AFF3: variants seen among roughly 807,000 people sequenced by gnomAD.
The protein encoded by AFF3 is ALF transcription elongation factor 3.
Under a neutral mutation model 129.7 loss-of-function variants are expected in AFF3, and 32 were observed. The observed-to-expected ratio is 0.25, with a 90% CI of 0.19 to 0.33. AFF3 has a LOEUF of 0.33. Among genes scored for constraint, AFF3 ranks in the 10% least tolerant of loss-of-function variants. AFF3 has a pLI of 1.00. For synonymous variants in AFF3, 644 were observed against 635.4 expected (o/e 1.01, Z -0.20); for missense variants, 1,373 against 1,592.0 (o/e 0.86, Z 2.34).
intron 13 of AFF3, among the ~76,000 whole-genome samples, chr2:99,619,789 T>C (rs1681812959): frequency 6.6e-6 from 1 of 152,190 alleles, no homozygotes; most frequent in Admixed American, 6.5e-5. Context: ...GAGAAAGGGA[T>C]ATTACTGCCC....
chr2:99,740,262 G>A (rs12475329), intron 10 of AFF3, among the ~76,000 whole-genome samples: 20,139 of 146,472 alleles, frequency 0.14, 1,474 homozygotes, highest in East Asian at 0.21. Flanking sequence ...GAATAGTGCC[G>A]CAATAAACAT....
chr2:99,901,951 G>A (rs981323164), intron 7 of AFF3, among the ~76,000 whole-genome samples: 4 of 151,154 alleles, frequency 2.6e-5, no homozygotes, highest in African/African-American at 7.3e-5. Context: ...CCACGTTCCG[G>A]CCTCTTTCCA....
At chr2:99,701,122 G>A (rs981667156) in intron 11 of AFF3, among the ~76,000 whole-genome samples, 2 of 152,176 alleles carry the variant, frequency 1.3e-5, no homozygotes, top group African/African-American at 2.4e-5. Flanking sequence ...TGGCACACTG[G>A]GTTAGATGGC....
At chr2:99,623,313 C>T (rs895914899) in intron 13 of AFF3, among the ~76,000 whole-genome samples, 3 of 152,152 alleles carry the variant, frequency 2.0e-5, no homozygotes, top group African/African-American at 7.2e-5. Flanking sequence ...AAAGTGCCAT[C>T]CTAGGCGCTC....
In AFF3 at chr2:99,802,396, G is replaced by C. The variant is rs181991781; in HGVS notation, c.921+35081C>G. ...ATTAAAAGTTTTCTTGGCTGGGCGCGGTGCCTGTAATCCCAGCACTTTGGG... is the reference window on the plus strand; with the variant it reads ...ATTAAAAGTTTTCTTGGCTGGGCGCCGTGCCTGTAATCCCAGCACTTTGGG... On this transcript the variant is annotated intron_variant, in intron 8 of 24. Transcript: ENST00000672756. Among the ~76,000 whole-genome samples, 24 of 152,188 alleles carry C rather than the reference G, an allele frequency of 1.6e-4. No homozygotes were observed. The East Asian group carries it at 1.9e-3, about 12-fold the overall frequency.
In AFF3 at chr2:100,064,243, G is replaced by A. The variant is rs548022781; in HGVS notation, c.53+40159C>T. ...CAAAGCCAGCATATGACCAGACCCAGTGAGAAATCCCTTCTATTTCTTACT... is the reference window on the plus strand; with the variant it reads ...CAAAGCCAGCATATGACCAGACCCAATGAGAAATCCCTTCTATTTCTTACT... On this transcript the variant is annotated intron_variant, in intron 4 of 24. Coordinates refer to ENST00000672756, the MANE Select transcript of AFF3 (RefSeq NM_001386135.1). 1.5e-4 allele frequency among the ~76,000 whole-genome samples: 23 copies of A among 152,292 alleles called. No homozygotes were observed. The South Asian group carries it at 4.8e-3, about 32-fold the overall frequency.
intron 8 of AFF3, among the ~76,000 whole-genome samples, chr2:99,786,305 T>C (rs887483224): frequency 1.3e-5 from 2 of 152,182 alleles, no homozygotes. Context: ...GAGGCCAATG[T>C]GAGGCTCCAT....
intron 8 of AFF3, among the ~76,000 whole-genome samples, chr2:99,785,012 T>C (rs1040288721): frequency 1.3e-5 from 2 of 152,220 alleles, no homozygotes; most frequent in African/African-American, 2.4e-5. Context: ...AACCATTGCA[T>C]GTTGCTGAGT....
At chr2:99,643,458 T>C (rs1446947075) in intron 13 of AFF3, among the ~76,000 whole-genome samples, 1 of 152,148 alleles carries the variant, frequency 6.6e-6, no homozygotes, top group Non-Finnish European at 1.5e-5. Flanking sequence ...CACGCCACCA[T>C]AACATCTTCA....
chr2:99,568,919 C>G lies in AFF3; in HGVS notation c.2919-4G>C. The stretch of plus-strand genomic sequence containing the variant: ...AAAATAATCGGCACTGCGAGGCCTA[C>G]AAGGAGAGAATGATATTAAACGTCA... On this transcript the variant is annotated splice_region_variant and splice_polypyrimidine_tract_variant and intron_variant, in intron 18 of 24. Coordinates refer to ENST00000672756, the MANE Select transcript of AFF3 (RefSeq NM_001386135.1). 1 of 1,613,828 alleles carries G rather than the reference C, an allele frequency of 6.2e-7. No homozygotes were observed. The highest frequency in any genetic ancestry group is 8.5e-7 in the Non-Finnish European group (1 of 1,179,746).
rs377294661 is a variant in AFF3, at chr2:99,555,834, C to CT, written c.3286-1103dup. ...TGGCAAGAAATGGCCTGTCAGAACT[C>CT]TGAGGTGCTACAATGGCAAGATGTA... On this transcript the variant is annotated intron_variant, in intron 22 of 24. Coordinates refer to ENST00000672756, the MANE Select transcript of AFF3 (RefSeq NM_001386135.1). Among the ~76,000 whole-genome samples, 401 of 152,314 alleles carry CT rather than the reference C, an allele frequency of 2.6e-3. 1 individual carries two copies. The highest frequency in any genetic ancestry group is 8.7e-3 in the African/African-American group (361 of 41,560).
At chr2:99,641,415 C>T (rs975362787) in intron 13 of AFF3, among the ~76,000 whole-genome samples, 6 of 152,116 alleles carry the variant, frequency 3.9e-5, no homozygotes, top group African/African-American at 1.2e-4. Context: ...TGGTGGCTCA[C>T]GCCTGTAATT....
chr2:99,558,982 G>C lies in AFF3; in HGVS notation c.3192-14C>G, dbSNP rs1182464616. 1 of 1,614,022 alleles carries C rather than the reference G, an allele frequency of 6.2e-7. No individual in the cohort carries two copies. The highest frequency in any genetic ancestry group is 8.5e-7 in the Non-Finnish European group (1 of 1,179,870). On this transcript the variant is annotated splice_polypyrimidine_tract_variant and intron_variant, in intron 21 of 24. Transcript: ENST00000672756. ...AGGCATCGGTAACTGCAGGCGAAAA[G>C]AGAAACAGGCCCAGAAGCGGCTGAG...
intron 7 of AFF3, among the ~76,000 whole-genome samples, chr2:99,889,700 C>T (rs1181603978): frequency 6.6e-6 from 1 of 152,200 alleles, no homozygotes; most frequent in Non-Finnish European, 1.5e-5. Context: ...ACTCTGTTGC[C>T]CAGGCTGGAG....
At chr2:100,104,919 G>A in intron 3 of AFF3, 1 of 171,144 alleles carries the variant, frequency 5.8e-6, no homozygotes, top group Non-Finnish European at 1.1e-5. Flanking sequence ...GCCCCGCGCC[G>A]CGCCCGCCCC....
intron 7 of AFF3, among the ~76,000 whole-genome samples, chr2:99,928,129 T>C (rs1279705931): frequency 6.6e-6 from 1 of 152,194 alleles, no homozygotes; most frequent in Non-Finnish European, 1.5e-5. Flanking sequence ...ATTAAACCTC[T>C]TTCGTTTGTA....
Position 99,693,174 on chromosome 2 carries a change from A to G in AFF3, c.1092-20585T>C, listed in dbSNP as rs1199825804. Reference sequence around the variant, plus strand: ...CAGAAAAAAGAACTGGCTGATGAATAAGGAGAAGTGGGATTTTAAAAAGTT... The same window carrying G: ...CAGAAAAAAGAACTGGCTGATGAATGAGGAGAAGTGGGATTTTAAAAAGTT... On this transcript the variant is annotated intron_variant, in intron 11 of 24. Coordinates refer to ENST00000672756, the MANE Select transcript of AFF3 (RefSeq NM_001386135.1). Among the ~76,000 whole-genome samples the G allele has an allele frequency of 2.0e-5, 3 of 152,260 alleles. No individual in the cohort carries two copies. The East Asian group carries it at 5.8e-4, about 29-fold the overall frequency.
chr2:99,626,954 T>C (rs1241142259), intron 13 of AFF3, among the ~76,000 whole-genome samples: 6 of 152,236 alleles, frequency 3.9e-5, no homozygotes, highest in African/African-American at 1.2e-4. Context: ...ATGGTGTGTA[T>C]GTACCATATT....
At chr2:99,921,167 G>A (rs555133885) in intron 7 of AFF3, among the ~76,000 whole-genome samples, 1 of 152,148 alleles carries the variant, frequency 6.6e-6, no homozygotes, top group Non-Finnish European at 1.5e-5. Flanking sequence ...AAACATCAAA[G>A]CTAAAAATTG....
Sources: allele counts gnomAD v4.1 joint callset (sites outside exome capture counted in the v4.1 genomes callset), GRCh38; gene constraint gnomAD v4.1.1; transcripts MANE v1.5; gene names NCBI Gene and HGNC (gene_info 2026-07-23, HGNC 2026-07-21).